The following ZNF66 variants were observed in gnomAD, a reference collection of about 807,000 sequenced individuals.
ZNF66 encodes the protein zinc finger protein 66.
In ZNF66, 32 loss-of-function variants were observed where a neutral mutation model predicts 35.2. The ratio of observed to expected loss-of-function variants is 0.91; its 90% CI spans 0.69 to 1.22. The LOEUF is 1.22. Ranked by LOEUF, ZNF66 falls within the 50% of genes most tolerant of loss-of-function variation. The pLI is 0.00. For synonymous variants in ZNF66, 231 were observed against 181.3 expected (o/e 1.27, Z -2.20); for missense variants, 666 against 543.1 (o/e 1.23, Z -2.25).
At chr19:20,805,126 T>TGAGAGAGAGA (rs60295293) in intron 3 of ZNF66, among the ~76,000 whole-genome samples, 236 of 146,074 alleles carry the variant, frequency 1.6e-3, no homozygotes, top group African/African-American at 5.4e-3. Flanking sequence ...TGTGTGTGTG[T>TGAGAGAGAGA]GAGAGAGAGA....
intron 3 of ZNF66, among the ~76,000 whole-genome samples, chr19:20,795,348 G>T (rs1479249193): frequency 6.6e-6 from 1 of 151,168 alleles, no homozygotes; most frequent in East Asian, 1.9e-4. Context: ...TTAGGGAACT[G>T]TGTGGGTTTC....
At chr19:20,776,675 A>T (rs935704818) in intron 1 of ZNF66, among the ~76,000 whole-genome samples, 1 of 152,178 alleles carries the variant, frequency 6.6e-6, no homozygotes, top group Admixed American at 6.5e-5. Flanking sequence ...CTCTGTGGGC[A>T]GCTCTGCACC....
At chr19:20,788,594 A>G (rs1568495338) in intron 1 of ZNF66, among the ~76,000 whole-genome samples, 1 of 151,898 alleles carries the variant, frequency 6.6e-6, no homozygotes. Flanking sequence ...TAGTAGAGAC[A>G]GGGTTTCACC....
intron 1 of ZNF66, among the ~76,000 whole-genome samples, chr19:20,789,528 T>A (rs1971317141): frequency 6.6e-6 from 1 of 152,218 alleles, no homozygotes; most frequent in African/African-American, 2.4e-5. Context: ...AGACACTTGT[T>A]TTCTATTCCT....
At chr19:20,778,161 C>A (rs1044915934) in intron 1 of ZNF66, among the ~76,000 whole-genome samples, 9 of 152,074 alleles carry the variant, frequency 5.9e-5, no homozygotes, top group Admixed American at 5.2e-4. Flanking sequence ...AGTGCAGTGG[C>A]GTGATCTCGG....
Position 20,807,263 on chromosome 19 carries a change from C to T in ZNF66, c.1663C>T (p.His555Tyr). The change falls in exon 4 of 4, where the codon CAT becomes TAT. Residue 555 changes from histidine to tyrosine, a missense_variant. Transcript: ENST00000344519. The part of the protein sequence containing the change: ...AFISSSNLSR[H>Y]EIIHMGGNPY... ...TATTTCATCCTCAAACCTTAGTAGACATGAGATAATTCATATGGGAGGGAA... is the reference window on the plus strand; with the variant it reads ...TATTTCATCCTCAAACCTTAGTAGATATGAGATAATTCATATGGGAGGGAA... 1 of 691,046 alleles carries T rather than the reference C, an allele frequency of 1.4e-6. No homozygotes were observed. The highest frequency in any genetic ancestry group is 2.5e-5 in the East Asian group (1 of 39,638). 42.8% of individuals were successfully genotyped at this position (691,046 alleles called of 1,614,324 possible).
In ZNF66 at chr19:20,806,928, A is replaced by G; in HGVS notation, c.1328A>G (p.His443Arg). ...AGTCGGTCCTCTATTCTTACTACACATAAGATAATTCACACTGGAGAGAAA... is the reference window on the plus strand; with the variant it reads ...AGTCGGTCCTCTATTCTTACTACACGTAAGATAATTCACACTGGAGAGAAA... ...AFSRSSILTT[H>R]KIIHTGEKPY... is the part of the protein sequence containing the mutation. The change falls in exon 4 of 4, where the codon CAT becomes CGT. Residue 443 changes from histidine to arginine, a missense_variant. Transcript: ENST00000344519. 2 of 1,202,098 alleles carry G rather than the reference A, an allele frequency of 1.7e-6. No individual in the cohort carries two copies. Among genetic ancestry groups the G allele is most frequent in the East Asian group, 2.3e-5 (1 of 42,858 alleles). The allele number at this position is 1,202,098 out of a possible 1,614,324, so 74.5% of individuals were successfully genotyped here.
intron 3 of ZNF66, among the ~76,000 whole-genome samples, chr19:20,796,009 G>A (rs955538052): frequency 6.6e-6 from 1 of 152,122 alleles, no homozygotes; most frequent in Non-Finnish European, 1.5e-5. Flanking sequence ...TCAATCTTAA[G>A]CTTTAGCAGC....
intron 3 of ZNF66, among the ~76,000 whole-genome samples, chr19:20,796,089 A>G (rs1971389205): frequency 6.6e-6 from 1 of 152,192 alleles, no homozygotes; most frequent in African/African-American, 2.4e-5. Flanking sequence ...GGGTCTTGCT[A>G]CATAACCCAG....
At chr19:20,799,395 G>A (rs1971427534) in intron 3 of ZNF66, 1 of 152,140 alleles carries the variant, frequency 6.6e-6, no homozygotes, top group Middle Eastern at 3.4e-3. Flanking sequence ...ATTTATAAAT[G>A]AGGAATATTT....
At chr19:20,796,053 T>G (rs1469159366) in intron 3 of ZNF66, among the ~76,000 whole-genome samples, 1 of 152,190 alleles carries the variant, frequency 6.6e-6, no homozygotes, top group East Asian at 1.9e-4. Flanking sequence ...CTCAAATCTC[T>G]CTTAGTGGCG....
At chr19:20,784,496 G>T (rs1352913121) in intron 1 of ZNF66, 1 of 152,124 alleles carries the variant, frequency 6.6e-6, no homozygotes, top group Non-Finnish European at 1.5e-5. Flanking sequence ...ATAAAGACAG[G>T]TGATGTGGCC....
intron 1 of ZNF66, among the ~76,000 whole-genome samples, chr19:20,788,785 G>T (rs1350003892): frequency 1.3e-5 from 2 of 152,060 alleles, no homozygotes; most frequent in South Asian, 2.1e-4. Context: ...GGGCATGGTT[G>T]TTCATGCTTG....
At chr19:20,783,233 T>G (rs1359452476) in intron 1 of ZNF66, among the ~76,000 whole-genome samples, 2 of 152,166 alleles carry the variant, frequency 1.3e-5, no homozygotes, top group Admixed American at 6.6e-5. Context: ...TATAACATCT[T>G]TCTCTCTTCT....
chr19:20,789,697 CAGA>C (rs1003073129), intron 1 of ZNF66, among the ~76,000 whole-genome samples: 1 of 152,030 alleles, frequency 6.6e-6, no homozygotes, highest in African/African-American at 2.4e-5. Context: ...GACAGAGGAA[CAGA>C]AGAAGAAATA....
At chr19:20,792,413 T>C (rs1241758916) in intron 1 of ZNF66, 99 bp from the exon 2 acceptor site, 4 of 1,141,876 alleles carry the variant, frequency 3.5e-6, no homozygotes, top group Non-Finnish European at 4.9e-6. Context: ...GTCCTATAAG[T>C]CAGAACCAGT....
chr19:20,793,332 CTTTTTTTTTT>C (rs781748526), intron 2 of ZNF66, among the ~76,000 whole-genome samples: 1 of 84,610 alleles, frequency 1.2e-5, no homozygotes, highest in Admixed American at 1.6e-4. Flanking sequence ...CTTTTCTTTT[CTTTTTTTTTT>C]TTTTTTGAGA....
chr19:20,779,534 ATATTT>A (rs1487436372), intron 1 of ZNF66, among the ~76,000 whole-genome samples: 1 of 151,934 alleles, frequency 6.6e-6, no homozygotes, highest in Non-Finnish European at 1.5e-5. Flanking sequence ...TGATTAAGAA[ATATTT>A]TATTTTAGTC....
chr19:20,798,734 G>A (rs1971418507), intron 3 of ZNF66, among the ~76,000 whole-genome samples: 1 of 152,104 alleles, frequency 6.6e-6, no homozygotes, highest in East Asian at 1.9e-4. Flanking sequence ...CTGATTTTAT[G>A]ATTTTGACTA....
Sources: gnomAD v4.1 joint callset for allele counts (sites outside exome capture counted in the v4.1 genomes callset) on GRCh38, gnomAD v4.1.1 for gene constraint, MANE v1.5 for transcripts, NCBI Gene and HGNC (gene_info 2026-07-23, HGNC 2026-07-21) for gene names.